Variants in HEATR4 observed in about 807,000 individuals in gnomAD.
The protein encoded by HEATR4 is HEAT repeat containing 4, also known as HEAT repeat-containing protein 4.
In HEATR4, 95 loss-of-function variants were observed where a neutral mutation model predicts 108.8. The observed-to-expected ratio is 0.87, with a 90% CI of 0.74 to 1.04. The LOEUF (loss-of-function observed/expected upper bound fraction) is 1.04, where lower values mean the gene tolerates loss of function less well. Ranked by LOEUF, HEATR4 falls within the 50% of genes least tolerant of loss-of-function variation. The pLI, the probability that HEATR4 is intolerant of heterozygous loss-of-function variation, is 0.00. For missense variants in HEATR4, 1,152 were observed against 1,253.8 expected, an observed-to-expected ratio of 0.92 and a Z score of 1.23; for synonymous variants, 443 against 459.4, an observed-to-expected ratio of 0.96 and a Z score of 0.46.
chr14:73,592,891 C>T, the HEATR4 span, among the ~76,000 whole-genome samples: 57 of 152,288 alleles, frequency 3.7e-4, no homozygotes, highest in African/African-American at 1.3e-3. Flanking sequence ...TTTTGTTAGG[C>T]TGTGTACTAC....
chr14:73,556,655 G>A (rs537158667), intron 1 of HEATR4, among the ~76,000 whole-genome samples: 1 of 113,640 alleles, frequency 8.8e-6, no homozygotes, highest in South Asian at 2.8e-4. Flanking sequence ...ATGTTACCTT[G>A]GGCAAATAAT....
the HEATR4 span, chr14:73,612,706 C>A: frequency 2.9e-5 from 41 of 1,394,994 alleles, no homozygotes; most frequent in East Asian, 1.2e-3. Context: ...AGGGCGCGCT[C>A]TTCCGGGCCC....
At chr14:73,576,362 C>T in the HEATR4 span, among the ~76,000 whole-genome samples, 1 of 151,840 alleles carries the variant, frequency 6.6e-6, no homozygotes, top group Non-Finnish European at 1.5e-5. Flanking sequence ...ATATCTTCTC[C>T]TTGGATTAAT....
the HEATR4 span, chr14:73,575,540 G>C: frequency 8.6e-6 from 13 of 1,517,958 alleles, no homozygotes; most frequent in African/African-American, 8.4e-5. Context: ...TGGCCTCTCT[G>C]TTGCTAATCT....
the HEATR4 span, chr14:73,592,008 G>A: frequency 7.0e-7 from 1 of 1,430,504 alleles, no homozygotes; most frequent in Non-Finnish European, 9.1e-7. Flanking sequence ...CTGCTGGAAC[G>A]AGCCGGTGCG....
chr14:73,572,879 C>T, the HEATR4 span, among the ~76,000 whole-genome samples: 1 of 150,546 alleles, frequency 6.6e-6, no homozygotes, highest in Non-Finnish European at 1.5e-5. Context: ...CTCCTGACCT[C>T]AGGTGATCCA....
rs1466025013 is a variant in HEATR4 at position 73,492,184 on chromosome 14, C to G, written c.2844+882G>C. Reference sequence around the variant, plus strand: ...ACCTCGGTGAGCCGGTGCTGCAGACCGTGCTGGAACCTGGAGATTTGCTGT... The same window carrying G: ...ACCTCGGTGAGCCGGTGCTGCAGACGGTGCTGGAACCTGGAGATTTGCTGT... On this transcript the variant is annotated intron_variant, in intron 17 of 17. Transcript: ENST00000553558. The surrounding 1 kb of genome is among the most constrained non-coding windows in gnomAD (Gnocchi z 4.9). 1.2e-6 allele frequency: 2 copies of G among 1,613,966 alleles called. No homozygotes were observed. The highest frequency in any genetic ancestry group is 1.1e-5 in the South Asian group (1 of 91,082).
chr14:73,622,394 C>A, the HEATR4 span, among the ~76,000 whole-genome samples: 1 of 152,064 alleles, frequency 6.6e-6, no homozygotes, highest in East Asian at 1.9e-4. Flanking sequence ...CTGTATGTGG[C>A]CACCTGTCTC....
At chr14:73,577,011 G>T in the HEATR4 span, among the ~76,000 whole-genome samples, 3 of 147,882 alleles carry the variant, frequency 2.0e-5, no homozygotes, top group African/African-American at 7.5e-5. Flanking sequence ...GCTCACTGCA[G>T]CCTCAACCTC....
At chr14:73,632,650 C>A in the HEATR4 span, among the ~76,000 whole-genome samples, 1 of 151,898 alleles carries the variant, frequency 6.6e-6, no homozygotes, top group African/African-American at 2.4e-5. Context: ...TCAAGACCAG[C>A]CTGGCCAACA....
the HEATR4 span, among the ~76,000 whole-genome samples, chr14:73,602,622 T>G: frequency 0.012 from 1,883 of 152,288 alleles, 45 homozygotes; most frequent in African/African-American, 0.043. Flanking sequence ...ATTCCCGCGT[T>G]CTCCCCGCTT....
At chr14:73,504,416 T>TG (rs1007349922) in intron 10 of HEATR4, among the ~76,000 whole-genome samples, 5 of 151,992 alleles carry the variant, frequency 3.3e-5, no homozygotes, top group African/African-American at 9.7e-5. Flanking sequence ...CTAATTTTTT[T>TG]TATTTTTAGT....
the HEATR4 span, among the ~76,000 whole-genome samples, chr14:73,614,672 G>A: frequency 0.021 from 3,107 of 151,450 alleles, 59 homozygotes; most frequent in Non-Finnish European, 0.03. Context: ...GCTTGAACCC[G>A]GGAGGCTGAG....
At chr14:73,564,721 G>GTTTTTTTTTTTTTT in the HEATR4 span, among the ~76,000 whole-genome samples, 14 of 83,566 alleles carry the variant, frequency 1.7e-4, 2 homozygotes, top group Admixed American at 3.3e-4. Context: ...TATCTTTTCT[G>GTTTTTTTTTTTTTT]TTTTTTGTTT....
intron 9 of HEATR4, among the ~76,000 whole-genome samples, chr14:73,506,825 T>TTTTTTTC (rs60290843): frequency 6.3e-5 from 8 of 126,132 alleles, no homozygotes; most frequent in African/African-American, 1.7e-4. Context: ...TTTTTTTTTT[T>TTTTTTTC]CTGAGAAGGT....
At chr14:73,560,077 T>C (rs757409857), upstream of HEATR4, among the ~76,000 whole-genome samples, 1 of 152,144 alleles carries the variant, frequency 6.6e-6, no homozygotes, top group African/African-American at 2.4e-5. Flanking sequence ...AATAGTATAA[T>C]TTCACACGTA....
chr14:73,522,494 C>T lies in HEATR4; in HGVS notation c.659G>A (p.Ser220Asn). Residue 220 changes from serine to asparagine, a missense_variant, in exon 3 of 18, where the codon AGC (serine) becomes AAC (asparagine). By Grantham distance (46) the Ser-to-Asn change is conservative. Transcript: ENST00000553558. ...LNERTARWIQ[S>N]KRPRRPGASP... ...TGCCCCAGGCCTTCGAGGACGCTTGCTCTGGATCCATCGGGCTGTGCGCTC... is the reference window on the plus strand; with the variant it reads ...TGCCCCAGGCCTTCGAGGACGCTTGTTCTGGATCCATCGGGCTGTGCGCTC... 6.2e-7 allele frequency: 1 copy of T among 1,614,242 alleles called. No individual in the cohort carries two copies. Among genetic ancestry groups the T allele is most frequent in the Non-Finnish European group, 8.5e-7 (1 of 1,180,032 alleles).
intron 17 of HEATR4, chr14:73,490,865 G>T: frequency 1.4e-6 from 1 of 736,572 alleles, no homozygotes; most frequent in Non-Finnish European, 1.9e-6. Context: ...AAGAGAGCGG[G>T]AGGGGCCGAA....
intron 10 of HEATR4, among the ~76,000 whole-genome samples, chr14:73,505,801 T>C (rs573262168): frequency 6.6e-6 from 1 of 151,790 alleles, no homozygotes; most frequent in Non-Finnish European, 1.5e-5. Flanking sequence ...TGATCTTTGA[T>C]GAAGAACCAA....
Sources: allele counts gnomAD v4.1 joint callset (sites outside exome capture counted in the v4.1 genomes callset), GRCh38; gene constraint gnomAD v4.1.1; non-coding constraint Gnocchi (gnomAD v3.1); transcripts MANE v1.5; gene names NCBI Gene and HGNC (gene_info 2026-07-23, HGNC 2026-07-21).